Variants in GLB1L3 observed in about 807,000 individuals in gnomAD.
The protein encoded by GLB1L3 is galactosidase beta 1 like 3.
In GLB1L3, 89 loss-of-function variants were observed where a neutral mutation model predicts 89.5. The observed-to-expected ratio is 0.99, with a 90% CI of 0.84 to 1.19. The LOEUF (loss-of-function observed/expected upper bound fraction) is 1.19, where lower values mean the gene tolerates loss of function less well. GLB1L3 is among the 50% of genes most tolerant of loss of function. The pLI is 0.00. For synonymous variants in GLB1L3, 314 were observed against 312.3 expected (o/e 1.01, Z -0.06); for missense variants, 812 against 813.3 (o/e 1.00, Z 0.02).
At chr11:134,306,441 C>G (rs1379249439) in intron 9 of GLB1L3, among the ~76,000 whole-genome samples, 2 of 152,154 alleles carry the variant, frequency 1.3e-5, no homozygotes, top group Non-Finnish European at 2.9e-5. Flanking sequence ...TAGAAGAGAA[C>G]ATAGGATCTG....
chr11:134,312,968 C>A, intron 15 of GLB1L3, 81 bp downstream of exon 15: 5 of 933,126 alleles, frequency 5.4e-6, no homozygotes, highest in Non-Finnish European at 8.6e-6. Context: ...AGTCAGCCTC[C>A]CTTCTCCACC....
intron 12 of GLB1L3, 177 bp downstream of exon 12, chr11:134,310,828 CAG>C (rs991716265): frequency 2.2e-5 from 14 of 627,268 alleles, no homozygotes; most frequent in Non-Finnish European, 3.4e-5. Context: ...TTTTTAAAAT[CAG>C]GGTTTCTAAG....
chr11:134,318,588 A>G (rs755038096), intron 18 of GLB1L3, 43 bp from the exon 19 acceptor site: 1 of 1,240,134 alleles, frequency 8.1e-7, no homozygotes, highest in African/African-American at 1.5e-5. Context: ...TTACCTTGCT[A>G]ATGTGAACCA....
intron 15 of GLB1L3, 106 bp from the exon 16 acceptor site, chr11:134,313,290 C>G: frequency 1.3e-6 from 1 of 791,356 alleles, no homozygotes; most frequent in South Asian, 1.6e-5. Context: ...CTGGAGCCTC[C>G]TGTTCTCCCA....
chr11:134,299,780 G>C (rs886490667), intron 9 of GLB1L3, among the ~76,000 whole-genome samples: 2 of 152,102 alleles, frequency 1.3e-5, no homozygotes, highest in Non-Finnish European at 2.9e-5. Flanking sequence ...GCTGTCTGTG[G>C]GTCTGAGGGG....
chr11:134,314,244 G>T, intron 17 of GLB1L3, 86 bp from the exon 18 acceptor site: 1 of 893,128 alleles, frequency 1.1e-6, no homozygotes, highest in Non-Finnish European at 1.7e-6. Flanking sequence ...AGAACCTTAG[G>T]CTCGGCCCAC....
At chr11:134,318,770 T>A in intron 19 of GLB1L3, 23 bp downstream of exon 19, 2 of 1,563,568 alleles carry the variant, frequency 1.3e-6, no homozygotes, top group Non-Finnish European at 8.8e-7. Flanking sequence ...AGTCTCTGCC[T>A]TGAGATCTCA....
chr11:134,307,076 CT>C, intron 9 of GLB1L3, 47 bp from the exon 10 acceptor site: 1 of 1,438,924 alleles, frequency 6.9e-7, no homozygotes, highest in Non-Finnish European at 9.7e-7. Context: ...TCTGATTTTT[CT>C]TTTTTGTTTT....
chr11:134,307,309 T>A, intron 10 of GLB1L3, 101 bp downstream of exon 10: 1 of 857,124 alleles, frequency 1.2e-6, no homozygotes, highest in Non-Finnish European at 1.9e-6. Flanking sequence ...TGATCAGCCG[T>A]AGATATTCAT....
intron 10 of GLB1L3, among the ~76,000 whole-genome samples, chr11:134,308,247 C>CCACCACCACCATCAT (rs1942352086): frequency 1.1e-4 from 3 of 26,534 alleles, no homozygotes; most frequent in African/African-American, 3.7e-4. Context: ...ATCACCATCA[C>CCACCACCACCATCAT]CACCATCACC....
intron 9 of GLB1L3, among the ~76,000 whole-genome samples, chr11:134,300,019 T>C (rs200639263): frequency 6.6e-6 from 1 of 152,262 alleles, no homozygotes; most frequent in African/African-American, 2.4e-5. Flanking sequence ...GCAGTGGCGG[T>C]GGCTCTCTCC....
At chr11:134,308,274 C>CAT (rs1942370143) in intron 10 of GLB1L3, among the ~76,000 whole-genome samples, 1 of 39,284 alleles carries the variant, frequency 2.5e-5, no homozygotes, top group Non-Finnish European at 5.1e-5. Flanking sequence ...ACCACCACCA[C>CAT]CACCACCAAA....
At chr11:134,284,544 A>G (rs1006818712) in intron 6 of GLB1L3, among the ~76,000 whole-genome samples, 1 of 152,038 alleles carries the variant, frequency 6.6e-6, no homozygotes, top group Non-Finnish European at 1.5e-5. Context: ...CCTGACCAAC[A>G]TGGGAAACTC....
chr11:134,301,884 A>G (rs1941965927), intron 9 of GLB1L3, among the ~76,000 whole-genome samples: 2 of 152,090 alleles, frequency 1.3e-5, no homozygotes, highest in Admixed American at 6.5e-5. Flanking sequence ...AGACATACGG[A>G]GTTTTTCTAT....
At position 134,277,811 on chromosome 11, in the gene GLB1L3, C is replaced by G. The variant is rs761802128; in HGVS notation, c.261C>G (p.Phe87Leu). 33 of 1,614,002 alleles carry G rather than the reference C, an allele frequency of 2.0e-5. No homozygotes were observed. The African/African-American group carries it at 4.1e-4, about 20-fold the overall frequency. The change falls in exon 3 of 20, where the codon TTC becomes TTG. Residue 87 changes from phenylalanine (F) to leucine (L), a missense_variant. Around this residue, in one of 3 missense-constraint regions of GLB1L3, gnomAD observed 191 missense variants for 191.4 expected, o/e 1.00. Coordinates refer to ENST00000431683, the MANE Select transcript of GLB1L3 (RefSeq NM_001080407.3). Reference protein sequence around the residue: ...KPHFTLEGHKFLIFGGSIHYF... With the variant: ...KPHFTLEGHKLLIFGGSIHYF... ...ACTTCACACTGGAGGGCCACAAGTT[C>G]CTGATCTTCGGGGGCTCCATCCACT... is the stretch of plus-strand genomic sequence containing the variant.
At chr11:134,319,739 T>C (rs1943133701), downstream of GLB1L3, among the ~76,000 whole-genome samples, 1 of 139,432 alleles carries the variant, frequency 7.2e-6, no homozygotes, top group South Asian at 2.2e-4. Flanking sequence ...TGTGTGTGTG[T>C]GTGTGTGTGC....
At chr11:134,295,566 G>A (rs1389232985) in intron 9 of GLB1L3, among the ~76,000 whole-genome samples, 2 of 151,766 alleles carry the variant, frequency 1.3e-5, no homozygotes, top group Non-Finnish European at 1.5e-5. Flanking sequence ...ATCAGCTTTC[G>A]GCTTGATTTT....
chr11:134,291,950 G>A (rs1392786334), intron 7 of GLB1L3, among the ~76,000 whole-genome samples, 182 bp from the exon 8 acceptor site: 4 of 152,174 alleles, frequency 2.6e-5, no homozygotes, highest in Non-Finnish European at 4.4e-5. Flanking sequence ...ACTCCAGCCC[G>A]GGGAAACACA....
In GLB1L3 at chr11:134,314,031, A is replaced by T; in HGVS notation, c.1667+3A>T. 6.3e-7 allele frequency: 1 copy of T among 1,597,330 alleles called. No individual in the cohort carries two copies. Among genetic ancestry groups the T allele is most frequent in the Admixed American group, 1.7e-5 (1 of 59,672 alleles). On this transcript the variant is annotated splice_donor_region_variant and intron_variant, in intron 17 of 19. Transcript: ENST00000431683. The stretch of plus-strand genomic sequence containing the variant: ...ATGAAAATGAGCTTCTTTGAGAGGT[A>T]TGCTCCAGCTGGCCCCCAGTGCACA...
Sources: gnomAD v4.1 joint callset for allele counts (sites outside exome capture counted in the v4.1 genomes callset) on GRCh38, gnomAD v4.1.1 for gene constraint, gnomAD v4.1.1 regional missense constraint, MANE v1.5 for transcripts, NCBI Gene and HGNC (gene_info 2026-07-23, HGNC 2026-07-21) for gene names.